PCDHGA5: variants seen among roughly 807,000 people sequenced by gnomAD.
PCDHGA5 encodes protocadherin gamma subfamily A, 5.
In PCDHGA5, 36 loss-of-function variants were observed where a neutral mutation model predicts 56.7. The observed-to-expected ratio is 0.64, with a 90% CI of 0.49 to 0.84. The LOEUF (loss-of-function observed/expected upper bound fraction) is 0.84. Among genes scored for constraint, PCDHGA5 ranks in the 40% least tolerant of loss-of-function variants. The pLI, the probability that PCDHGA5 is intolerant of heterozygous loss-of-function variation, is 0.00. For missense variants in PCDHGA5, 1,305 were observed against 1,201.5 expected (o/e 1.09, Z -1.27); for synonymous variants, 563 against 520.2 (o/e 1.08, Z -1.12).
rs183531575 is a variant in PCDHGA5 at position 141,469,308 on chromosome 5, G to A, written c.2422-25499G>A. Among the ~76,000 whole-genome samples the A allele has an allele frequency of 2.5e-3, 379 of 152,184 alleles. 1 individual carries two copies. The highest frequency in any genetic ancestry group is 5.8e-3 in the South Asian group (28 of 4,814). On this transcript the variant is annotated intron_variant, in intron 1 of 3. Transcript: ENST00000518069. ...TAAAACAAAATAGACTGGGCACGAT[G>A]GCTCACGCCTGTAATCCCACCACTT...
chr5:141,417,828 A>G (rs1439385565), intron 1 of PCDHGA5: 1 of 1,521,792 alleles, frequency 6.6e-7, no homozygotes, highest in Non-Finnish European at 8.8e-7. Context: ...CCAACTGGAA[A>G]AGCGGGGACC....
chr5:141,427,205 C>T lies in PCDHGA5; in HGVS notation c.2421+60454C>T, dbSNP rs73280903. 3.4e-3 allele frequency: 1,562 copies of T among 456,606 alleles called. 21 individuals carry two copies. Among genetic ancestry groups the T allele is most frequent in the African/African-American group, 0.028 (1,422 of 50,136 alleles). 28.3% of individuals were successfully genotyped at this position (456,606 alleles called of 1,614,324 possible). Reference sequence around the variant, plus strand: ...TTAAATCCAAAGACTTAATAGACTTCGAATTTCGTAGCAGTTATACCATGA... The same window carrying T: ...TTAAATCCAAAGACTTAATAGACTTTGAATTTCGTAGCAGTTATACCATGA... On this transcript the variant is annotated intron_variant, in intron 1 of 3. Transcript: ENST00000518069.
chr5:141,394,136 C>A, intron 1 of PCDHGA5: 3 of 1,613,956 alleles, frequency 1.9e-6, no homozygotes, highest in Non-Finnish European at 2.5e-6. Flanking sequence ...TCGCTCTGCA[C>A]GTGGCAGACA....
Position 141,432,759 on chromosome 5 carries a change from G to A in PCDHGA5, c.2422-62048G>A. 6.2e-7 allele frequency: 1 copy of A among 1,614,150 alleles called. No individual in the cohort carries two copies. The highest frequency in any genetic ancestry group is 8.5e-7 in the Non-Finnish European group (1 of 1,180,006). On this transcript the variant is annotated intron_variant, in intron 1 of 3. Coordinates refer to ENST00000518069, the MANE Select transcript of PCDHGA5 (RefSeq NM_018918.3). This position sits in a 1 kb window ranked among gnomAD's most constrained non-coding sequence, Gnocchi z 6.0. ...ACGCTCACCGTGGCCGTGGCCGACA[G>A]CATCCCCCAAGTCCTGGCGGACCTC...
At chr5:141,501,103 G>A (rs1449600108) in intron 2 of PCDHGA5, among the ~76,000 whole-genome samples, 9 of 152,078 alleles carry the variant, frequency 5.9e-5, no homozygotes, top group African/African-American at 1.4e-4. Context: ...TCTTGACCTC[G>A]TGATCCGCCT....
intron 1 of PCDHGA5, among the ~76,000 whole-genome samples, chr5:141,448,975 T>C (rs888432093): frequency 6.6e-6 from 1 of 151,970 alleles, no homozygotes; most frequent in African/African-American, 2.4e-5. Flanking sequence ...AAAAAAGAAC[T>C]TCCATATTAA....
At chr5:141,461,740 G>T (rs770518286) in intron 1 of PCDHGA5, among the ~76,000 whole-genome samples, 1 of 152,072 alleles carries the variant, frequency 6.6e-6, no homozygotes, top group African/African-American at 2.4e-5. Context: ...GCACAATCCC[G>T]GCTCCCAGAT....
At chr5:141,450,565 C>T (rs1024229182) in intron 1 of PCDHGA5, among the ~76,000 whole-genome samples, 2 of 152,016 alleles carry the variant, frequency 1.3e-5, no homozygotes, top group Non-Finnish European at 2.9e-5. Context: ...CGGCTCACTG[C>T]AACTTCTGCC....
chr5:141,432,482 G>T lies in PCDHGA5; in HGVS notation c.2422-62325G>T, dbSNP rs768206517. 2.5e-6 allele frequency: 4 copies of T among 1,614,060 alleles called. No individual in the cohort carries two copies. Among genetic ancestry groups the T allele is most frequent in the Non-Finnish European group, 3.4e-6 (4 of 1,180,052 alleles). ...CCTCCCCACGGACGGTTCCACTGGC[G>T]TGGAGCTGGCTCCCCGCTCCGCAGA... On this transcript the variant is annotated intron_variant, in intron 1 of 3. Transcript: ENST00000518069. The surrounding 1 kb of genome is among the most constrained non-coding windows in gnomAD (Gnocchi z 6.0).
At chr5:141,450,516 C>T (rs150995579) in intron 1 of PCDHGA5, among the ~76,000 whole-genome samples, 2,020 of 152,024 alleles carry the variant, frequency 0.013, 56 homozygotes, top group African/African-American at 0.046. Context: ...GATGGAGTCT[C>T]ATTCTTGTCA....
chr5:141,485,735 G>C lies in PCDHGA5; in HGVS notation c.2422-9072G>C, dbSNP rs1562107417. ...ACTGGATGTGAAGAAGCGCAGCGAC[G>C]GCAGCCTGGTCCCAGAGCTGCTCCT... is the stretch of plus-strand genomic sequence containing the variant. On this transcript the variant is annotated intron_variant, in intron 1 of 3. Coordinates refer to ENST00000518069, the MANE Select transcript of PCDHGA5 (RefSeq NM_018918.3). This position sits in a 1 kb window ranked among gnomAD's most constrained non-coding sequence, Gnocchi z 5.7. 2.5e-6 allele frequency: 4 copies of C among 1,614,048 alleles called. No individual in the cohort carries two copies. The highest frequency in any genetic ancestry group is 3.4e-6 in the Non-Finnish European group (4 of 1,180,044).
chr5:141,499,404 T>G (rs1468724077), intron 2 of PCDHGA5, among the ~76,000 whole-genome samples: 3 of 152,178 alleles, frequency 2.0e-5, no homozygotes, highest in African/African-American at 7.2e-5. Context: ...ACATGCTCAT[T>G]ATAGAAACAT....
rs1480199754 is a variant in PCDHGA5, at chr5:141,364,493, G to A, written c.163G>A (p.Glu55Lys). 4.3e-6 allele frequency: 7 copies of A among 1,614,018 alleles called. No homozygotes were observed. Among genetic ancestry groups the A allele is most frequent in the Non-Finnish European group, 5.9e-6 (7 of 1,179,902 alleles). The change falls in exon 1 of 4, where the codon GAG (glutamate) becomes AAG (lysine). Residue 55 changes from glutamate (E) to lysine (K), a missense_variant. Physicochemically the swap from Glu to Lys is moderately conservative, Grantham distance 56. Transcript: ENST00000518069. ...VGNIAKDLGL[E>K]PQELAERGVR... ...CAACATAGCCAAGGACCTTGGGCTG[G>A]AGCCCCAGGAGCTGGCGGAGCGCGG...
At chr5:141,447,275 G>C (rs2098532748) in intron 1 of PCDHGA5, among the ~76,000 whole-genome samples, 1 of 152,154 alleles carries the variant, frequency 6.6e-6, no homozygotes, top group African/African-American at 2.4e-5. Flanking sequence ...AAGTAGCTGG[G>C]ACTACAGGCA....
At position 141,436,830 on chromosome 5, in the gene PCDHGA5, T is replaced by C. The variant is rs1054296892; in HGVS notation, c.2422-57977T>C. On this transcript the variant is annotated intron_variant, in intron 1 of 3. Coordinates refer to ENST00000518069, the MANE Select transcript of PCDHGA5 (RefSeq NM_018918.3). ...TGACAGCTGGTTTAAAAATCTTAAGTGCCTAGGCACATTCTTGATTGAGAA... is the reference window on the plus strand; with the variant it reads ...TGACAGCTGGTTTAAAAATCTTAAGCGCCTAGGCACATTCTTGATTGAGAA... Among the ~76,000 whole-genome samples, 37 of 152,252 alleles carry C rather than the reference T, an allele frequency of 2.4e-4. 1 individual carries two copies.
intron 1 of PCDHGA5, among the ~76,000 whole-genome samples, chr5:141,429,903 T>C (rs1276564046): frequency 2.0e-5 from 3 of 152,252 alleles, no homozygotes; most frequent in African/African-American, 7.2e-5. Flanking sequence ...TAAATATTTT[T>C]GAAATATAAT....
At position 141,365,043 on chromosome 5, in the gene PCDHGA5, A is replaced by AT. The variant is rs1763697788; in HGVS notation, c.714dup (p.Ala239CysfsTer33). On this transcript the variant is annotated frameshift_variant, in exon 1 of 4. Transcript: ENST00000518069. LOFTEE classifies it high-confidence loss of function. ...GTTACGGTCCTCGACGCAAACGACAATGCGCCCCTGTTCACCCCATCCGAG... is the reference window on the plus strand; with the variant it reads ...GTTACGGTCCTCGACGCAAACGACAATTGCGCCCCTGTTCACCCCATCCGAG... 2 of 1,613,696 alleles carry AT rather than the reference A, an allele frequency of 1.2e-6. No individual in the cohort carries two copies. The highest frequency in any genetic ancestry group is 2.7e-5 in the African/African-American group (2 of 74,904).
At chr5:141,383,916 T>A in intron 1 of PCDHGA5, 1 of 1,613,968 alleles carries the variant, frequency 6.2e-7, no homozygotes, top group Non-Finnish European at 8.5e-7. Context: ...CAGTTTTAGA[T>A]GTAAATGATA....
rs1188941232 is a variant in PCDHGA5, at chr5:141,512,270, G to A, written c.*1097G>A. ...TCTGTGGGTGCTGGGTACTCCAGAG[G>A]TGCCACTGGTGGAAGGGTCAGCGGA... On this transcript the variant is annotated 3_prime_UTR_variant, in exon 4 of 4. Coordinates refer to ENST00000518069, the MANE Select transcript of PCDHGA5 (RefSeq NM_018918.3). The A allele has an allele frequency of 1.3e-5, 2 of 152,714 alleles. No individual in the cohort carries two copies. The highest frequency in any genetic ancestry group is 2.9e-5 in the Non-Finnish European group (2 of 68,100). The allele number at this position is 152,714 out of a possible 1,614,324, so 9.5% of individuals were successfully genotyped here.
Sources: allele counts gnomAD v4.1 joint callset (sites outside exome capture counted in the v4.1 genomes callset), GRCh38; gene constraint gnomAD v4.1.1; non-coding constraint Gnocchi (gnomAD v3.1); transcripts MANE v1.5; gene names NCBI Gene and HGNC (gene_info 2026-07-23, HGNC 2026-07-21).